The following FMN1 variants were observed in gnomAD, a reference collection of about 807,000 sequenced individuals.
The protein encoded by FMN1 is formin 1, also known as formin-1.
FMN1 carries 110 observed loss-of-function variants against 132.4 expected under a neutral mutation model. The observed-to-expected ratio is 0.83, with a 90% CI of 0.71 to 0.97. FMN1 has a LOEUF of 0.97. Among genes scored for constraint, FMN1 ranks in the 50% least tolerant of loss-of-function variants. The pLI is 0.00. For synonymous variants in FMN1, 722 were observed against 651.7 expected (o/e 1.11, Z -1.64); for missense variants, 1,792 against 1,705.3 (o/e 1.05, Z -0.90).
chr15:33,127,632 C>CA lies in FMN1; in HGVS notation c.1867+25415dup, dbSNP rs979791551. Among the ~76,000 whole-genome samples the CA allele has an allele frequency of 6.2e-4, 84 of 136,196 alleles. 1 individual carries two copies. Among genetic ancestry groups the CA allele is most frequent in the African/African-American group, 2.0e-3 (80 of 39,240 alleles). The allele number at this position is 136,196 out of a possible 152,430, so 89.3% of individuals were successfully genotyped here. The stretch of plus-strand genomic sequence containing the variant: ...CAGAAGTTAAAACACAAGTATTTTC[C>CA]AATCAAACTCAGCACCATTCCAACT... On this transcript the variant is annotated intron_variant, in intron 4 of 20. Transcript: ENST00000616417.
At chr15:32,875,289 C>A (rs189388053) in intron 16 of FMN1, among the ~76,000 whole-genome samples, 1 of 151,942 alleles carries the variant, frequency 6.6e-6, no homozygotes, top group East Asian at 1.9e-4. Context: ...GGTAACAGAC[C>A]CCCTGCCCTT....
At chr15:33,133,596 C>T (rs1165676697) in intron 4 of FMN1, among the ~76,000 whole-genome samples, 3 of 152,216 alleles carry the variant, frequency 2.0e-5, no homozygotes, top group African/African-American at 7.2e-5. Context: ...AGATGACCTT[C>T]TCAACCCCAC....
At chr15:33,147,815 A>G (rs57105521) in intron 4 of FMN1, among the ~76,000 whole-genome samples, 4,134 of 152,286 alleles carry the variant, frequency 0.027, 188 homozygotes, top group African/African-American at 0.095. Context: ...AGCTATTCTT[A>G]TTTGAGATCA....
At chr15:32,953,944 T>C (rs2061707675) in intron 9 of FMN1, among the ~76,000 whole-genome samples, 1 of 152,226 alleles carries the variant, frequency 6.6e-6, no homozygotes, top group Non-Finnish European at 1.5e-5. Context: ...TAAAAATGTA[T>C]GTGGGAACGT....
At chr15:33,084,956 C>T (rs549872784) in intron 5 of FMN1, among the ~76,000 whole-genome samples, 88 of 152,264 alleles carry the variant, frequency 5.8e-4, no homozygotes, top group Middle Eastern at 6.8e-3. Context: ...CTGATTGTGA[C>T]GCTGCAAGTC....
intron 6 of FMN1, among the ~76,000 whole-genome samples, chr15:33,041,979 ATAT>A (rs796260632): frequency 5.9e-5 from 9 of 152,180 alleles, no homozygotes; most frequent in African/African-American, 2.2e-4. Flanking sequence ...CATGTTATGT[ATAT>A]TTTACCACAA....
rs543558185 is a variant in FMN1 at position 33,051,135 on chromosome 15, T to C, written c.2161+13822A>G. Among the ~76,000 whole-genome samples, 11 of 152,346 alleles carry C rather than the reference T, an allele frequency of 7.2e-5. No individual in the cohort carries two copies. In the East Asian group the frequency reaches 1.9e-3, roughly 27 times the overall value. On this transcript the variant is annotated intron_variant, in intron 6 of 20. Transcript: ENST00000616417. ...GGGATATAGAGTGAAGGATGATTTTTGCTTTTTCCTCTATATATATACCAT... is the reference window on the plus strand; with the variant it reads ...GGGATATAGAGTGAAGGATGATTTTCGCTTTTTCCTCTATATATATACCAT...
At chr15:33,019,642 C>A (rs967722887) in intron 6 of FMN1, among the ~76,000 whole-genome samples, 1 of 152,174 alleles carries the variant, frequency 6.6e-6, no homozygotes, top group East Asian at 1.9e-4. Context: ...GCAGCTAAGC[C>A]CCGGGGACAA....
At chr15:32,920,211 A>G (rs2060786407) in intron 10 of FMN1, among the ~76,000 whole-genome samples, 2 of 152,202 alleles carry the variant, frequency 1.3e-5, no homozygotes, top group South Asian at 4.1e-4. Context: ...ACTCACTAAC[A>G]TGGAATGAAA....
At chr15:33,128,674 G>A (rs892894651) in intron 4 of FMN1, among the ~76,000 whole-genome samples, 3 of 152,184 alleles carry the variant, frequency 2.0e-5, no homozygotes, top group Non-Finnish European at 4.4e-5. Flanking sequence ...TGAGTTTGTA[G>A]TCTCACTGAC....
At chr15:33,033,965 A>T (rs184897239) in intron 6 of FMN1, among the ~76,000 whole-genome samples, 1 of 151,354 alleles carries the variant, frequency 6.6e-6, no homozygotes, top group Admixed American at 6.6e-5. Context: ...AGGCTTTCTC[A>T]TTTCTCCTCT....
chr15:33,071,689 TA>T (rs1566889881), intron 5 of FMN1, among the ~76,000 whole-genome samples: 1 of 151,934 alleles, frequency 6.6e-6, no homozygotes. Flanking sequence ...GGAGCACGAG[TA>T]AGATTCAAAG....
In FMN1 at chr15:32,765,960, A is replaced by C. The variant is rs892514679; in HGVS notation, c.*8350T>G. 1 of 152,224 alleles carries C rather than the reference A, an allele frequency of 6.6e-6. No homozygotes were observed. Among genetic ancestry groups the C allele is most frequent in the Non-Finnish European group, 1.5e-5 (1 of 68,036 alleles). The allele number at this position is 152,224 out of a possible 1,614,324, so 9.4% of individuals were successfully genotyped here. ...ACAAAATTAAATATGCAAACAAATT[A>C]GAAATACGTATTTTTAAAAATGCAA... On this transcript the variant is annotated 3_prime_UTR_variant, in exon 21 of 21. Coordinates refer to ENST00000616417, the MANE Select transcript of FMN1 (RefSeq NM_001277313.2).
In FMN1 at chr15:32,964,212, GTCAGGT is replaced by G; in HGVS notation, c.3027_3032del (p.Glu1009_Pro1010del). 1 of 1,612,440 alleles carries G rather than the reference GTCAGGT, an allele frequency of 6.2e-7. No homozygotes were observed. On this transcript the variant is annotated inframe_deletion, in exon 9 of 21. Coordinates refer to ENST00000616417, the MANE Select transcript of FMN1 (RefSeq NM_001277313.2). Reference sequence around the variant, plus strand: ...ACTCAAATTCACTGGGGTCCCGAATGTCAGGTTCTTCTAAGGAGTCCCATAAGGTTG... The same window carrying G: ...ACTCAAATTCACTGGGGTCCCGAATGTCTTCTAAGGAGTCCCATAAGGTTG...
intron 9 of FMN1, among the ~76,000 whole-genome samples, chr15:32,953,472 T>C (rs1398617950): frequency 1.3e-5 from 2 of 152,158 alleles, no homozygotes; most frequent in Non-Finnish European, 2.9e-5. Flanking sequence ...TCACAGTTGG[T>C]GAGCTTTGTA....
At chr15:32,854,220 C>T (rs1031369829) in intron 17 of FMN1, among the ~76,000 whole-genome samples, 1 of 152,076 alleles carries the variant, frequency 6.6e-6, no homozygotes, top group South Asian at 2.1e-4. Context: ...GTTTTCAAAA[C>T]CCCGTGTTTT....
intron 4 of FMN1, among the ~76,000 whole-genome samples, chr15:33,120,707 A>G (rs1184102866): frequency 6.6e-6 from 1 of 152,176 alleles, no homozygotes; most frequent in Non-Finnish European, 1.5e-5. Context: ...AAGTGACTAC[A>G]TACCCATTTT....
chr15:32,817,783 G>C (rs2058097535), intron 17 of FMN1, among the ~76,000 whole-genome samples: 1 of 152,184 alleles, frequency 6.6e-6, no homozygotes, highest in Non-Finnish European at 1.5e-5. Flanking sequence ...GAATTTATCA[G>C]AATTCCAGGT....
intron 9 of FMN1, among the ~76,000 whole-genome samples, chr15:32,935,891 G>A (rs1028211400): frequency 1.3e-5 from 2 of 152,128 alleles, no homozygotes; most frequent in African/African-American, 4.8e-5. Flanking sequence ...CTCCCAAAGT[G>A]CTGGGATTAC....
Sources: gnomAD v4.1 joint callset for allele counts (sites outside exome capture counted in the v4.1 genomes callset) on GRCh38, gnomAD v4.1.1 for gene constraint, MANE v1.5 for transcripts, NCBI Gene and HGNC (gene_info 2026-07-23, HGNC 2026-07-21) for gene names.